The following NAT1 variants were observed in gnomAD, a reference collection of about 807,000 sequenced individuals.
NAT1 encodes the protein N-acetyltransferase 1, also known as arylamine N-acetyltransferase 1.
For synonymous variants in NAT1, 144 were observed against 122.6 expected (o/e 1.17, Z -1.16); for missense variants, 400 against 339.2 (o/e 1.18, Z -1.41).
chr8:18,189,607 G>A (rs1020261797), intron 2 of NAT1, among the ~76,000 whole-genome samples: 1 of 152,154 alleles, frequency 6.6e-6, no homozygotes, highest in African/African-American at 2.4e-5. Flanking sequence ...AAGTTGATCA[G>A]TTTTTATAGG....
chr8:18,182,038 T>G (rs1258443692), intron 2 of NAT1, among the ~76,000 whole-genome samples: 1 of 152,174 alleles, frequency 6.6e-6, no homozygotes, highest in Non-Finnish European at 1.5e-5. Flanking sequence ...GCAGGAATTG[T>G]CTCTCTCCTC....
intron 2 of NAT1, among the ~76,000 whole-genome samples, chr8:18,193,570 C>T (rs1803107795): frequency 1.4e-5 from 2 of 146,818 alleles, no homozygotes; most frequent in Non-Finnish European, 3.0e-5. Context: ...AAGAGACAGT[C>T]CTTCTATCAT....
intron 2 of NAT1, among the ~76,000 whole-genome samples, chr8:18,185,593 T>C (rs1802701650): frequency 6.6e-6 from 1 of 152,180 alleles, no homozygotes; most frequent in Non-Finnish European, 1.5e-5. Flanking sequence ...TACTAGTCTT[T>C]AAAAACAAAA....
upstream of NAT1, among the ~76,000 whole-genome samples, chr8:18,208,473 C>T (rs1803828208): frequency 6.6e-6 from 1 of 152,042 alleles, no homozygotes; most frequent in Non-Finnish European, 1.5e-5. Context: ...TTCTTTACAC[C>T]AGTAATGATC....
At chr8:18,217,613 A>T (rs1804815042) in intron 1 of NAT1, among the ~76,000 whole-genome samples, 1 of 152,246 alleles carries the variant, frequency 6.6e-6, no homozygotes, top group Admixed American at 6.5e-5. Context: ...AAGTAAAAGC[A>T]AACAAATATG....
At chr8:18,216,094 G>T (rs117416509) in intron 1 of NAT1, among the ~76,000 whole-genome samples, 3 of 152,064 alleles carry the variant, frequency 2.0e-5, no homozygotes, top group African/African-American at 7.2e-5. Context: ...AAACAAAAGG[G>T]GCAGAGGAAA....
At chr8:18,220,561 A>AT (rs924556914) in intron 2 of NAT1, among the ~76,000 whole-genome samples, 10 of 151,230 alleles carry the variant, frequency 6.6e-5, no homozygotes, top group Admixed American at 2.6e-4. Context: ...AGGGGCATTT[A>AT]TTTTTTTTTG....
intron 2 of NAT1, among the ~76,000 whole-genome samples, chr8:18,180,598 T>C (rs1203182668): frequency 4.6e-5 from 7 of 152,174 alleles, no homozygotes. Context: ...TTGCACAATA[T>C]GGTGACAATT....
At chr8:18,183,497 A>T (rs1176806684) in intron 2 of NAT1, among the ~76,000 whole-genome samples, 1 of 152,222 alleles carries the variant, frequency 6.6e-6, no homozygotes, top group Non-Finnish European at 1.5e-5. Context: ...AGATATTCAG[A>T]AGAAGCCGGC....
intron 2 of NAT1, among the ~76,000 whole-genome samples, chr8:18,175,429 A>G (rs1447408204): frequency 6.6e-6 from 1 of 151,762 alleles, no homozygotes; most frequent in Non-Finnish European, 1.5e-5. Context: ...ATGAGATCAC[A>G]TTTTTTCTGA....
At chr8:18,188,724 G>C (rs375815864) in intron 2 of NAT1, among the ~76,000 whole-genome samples, 2 of 151,676 alleles carry the variant, frequency 1.3e-5, no homozygotes, top group African/African-American at 4.8e-5. Context: ...CAGGCCGGGC[G>C]TGGTGGCTCA....
At chr8:18,191,412 A>G (rs1453553819) in intron 2 of NAT1, among the ~76,000 whole-genome samples, 1 of 152,136 alleles carries the variant, frequency 6.6e-6, no homozygotes, top group Admixed American at 6.5e-5. Flanking sequence ...GCATTTCACA[A>G]GAGAAAATTC....
chr8:18,191,020 C>T (rs1446092060), intron 2 of NAT1, among the ~76,000 whole-genome samples: 2 of 150,758 alleles, frequency 1.3e-5, no homozygotes, highest in East Asian at 3.9e-4. Context: ...GAGCTGAGAT[C>T]ACACCACTGT....
intron 2 of NAT1, among the ~76,000 whole-genome samples, chr8:18,182,057 G>A (rs946490089): frequency 6.6e-6 from 1 of 152,110 alleles, no homozygotes; most frequent in Admixed American, 6.6e-5. Context: ...TCTCTATGGT[G>A]CCTGGCATTG....
intron 2 of NAT1, among the ~76,000 whole-genome samples, chr8:18,187,538 A>G (rs1802789850): frequency 6.6e-6 from 1 of 152,132 alleles, no homozygotes; most frequent in South Asian, 2.1e-4. Flanking sequence ...AAAGAATAAG[A>G]TCATGTCCTC....
At chr8:18,193,009 AAAATAAAC>A (rs1416539403) in intron 2 of NAT1, among the ~76,000 whole-genome samples, 1 of 151,778 alleles carries the variant, frequency 6.6e-6, no homozygotes, top group Non-Finnish European at 1.5e-5. Context: ...AAAATAAAAT[AAAATAAAC>A]AACAACAACA....
intron 2 of NAT1, among the ~76,000 whole-genome samples, chr8:18,172,696 A>G (rs1802142786): frequency 6.6e-6 from 1 of 152,184 alleles, no homozygotes; most frequent in South Asian, 2.1e-4. Context: ...CTGTTATAAA[A>G]TTAACTCCTT....
At chr8:18,183,920 C>A (rs1249558125) in intron 2 of NAT1, among the ~76,000 whole-genome samples, 1 of 152,170 alleles carries the variant, frequency 6.6e-6, no homozygotes, top group Non-Finnish European at 1.5e-5. Flanking sequence ...ACAACCCTGC[C>A]CCTATGACTT....
chr8:18,216,792 T>G, intron 1 of NAT1: 2 of 759,140 alleles, frequency 2.6e-6, no homozygotes, highest in East Asian at 5.8e-5. Flanking sequence ...CTGGGTATGA[T>G]GAGAATTTAG....
Sources: allele counts gnomAD v4.1 joint callset (sites outside exome capture counted in the v4.1 genomes callset), GRCh38; gene constraint gnomAD v4.1.1; transcripts MANE v1.5; gene names NCBI Gene and HGNC (gene_info 2026-07-23, HGNC 2026-07-21).